The following AK4 variants were observed in gnomAD, a reference collection of about 807,000 sequenced individuals.
AK4 encodes the protein adenylate kinase 4, mitochondrial.
A neutral mutation model predicts 24.6 loss-of-function variants in AK4; 13 were observed. The observed-to-expected ratio is 0.53, with a 90% confidence interval of 0.34 to 0.84. The LOEUF (loss-of-function observed/expected upper bound fraction) is 0.84. AK4 is among the 40% of genes least tolerant of loss of function. AK4 has a pLI of 0.01. For synonymous variants in AK4, 88 were observed against 107.0 expected, an observed-to-expected ratio of 0.82 and a Z score of 1.10; for missense variants, 192 against 288.2, an observed-to-expected ratio of 0.67 and a Z score of 2.42.
intron 1 of AK4, among the ~76,000 whole-genome samples, chr1:65,157,138 G>A (rs1004833893): frequency 6.6e-6 from 1 of 152,126 alleles, no homozygotes; most frequent in African/African-American, 2.4e-5. Context: ...TCTTCATTCA[G>A]TCTTTGGTGC....
chr1:65,205,796 T>G (rs1651793460), intron 2 of AK4, among the ~76,000 whole-genome samples: 1 of 152,256 alleles, frequency 6.6e-6, no homozygotes, highest in Admixed American at 6.5e-5. Context: ...ATTTTTTGTC[T>G]TTATACTTTA....
intron 1 of AK4, among the ~76,000 whole-genome samples, chr1:65,181,221 G>C (rs1422190046): frequency 6.6e-6 from 1 of 151,310 alleles, no homozygotes; most frequent in East Asian, 1.9e-4. Flanking sequence ...AGTGTTATCA[G>C]TACCCCATAG....
At chr1:65,186,407 G>A (rs1651102144) in intron 1 of AK4, among the ~76,000 whole-genome samples, 1 of 152,198 alleles carries the variant, frequency 6.6e-6, no homozygotes, top group African/African-American at 2.4e-5. Context: ...GGGATTACAG[G>A]CACGAACCAT....
At chr1:65,164,156 C>T (rs1489314586) in intron 1 of AK4, among the ~76,000 whole-genome samples, 1 of 152,098 alleles carries the variant, frequency 6.6e-6, no homozygotes, top group East Asian at 1.9e-4. Flanking sequence ...AAGAAGGGGT[C>T]TTTTCGGGAA....
intron 1 of AK4, among the ~76,000 whole-genome samples, chr1:65,171,410 C>T (rs1027441118): frequency 2.7e-5 from 4 of 146,148 alleles, no homozygotes; most frequent in African/African-American, 7.6e-5. Flanking sequence ...CCTGGTCAAG[C>T]GATTCTCCTG....
intron 1 of AK4, among the ~76,000 whole-genome samples, chr1:65,167,266 C>A (rs551168192): frequency 6.6e-6 from 1 of 152,230 alleles, no homozygotes; most frequent in South Asian, 2.1e-4. Context: ...GATTCAACTT[C>A]TGGTCTGCTT....
At chr1:65,215,833 T>G (rs1652112782) in intron 2 of AK4, among the ~76,000 whole-genome samples, 1 of 152,230 alleles carries the variant, frequency 6.6e-6, no homozygotes, top group Non-Finnish European at 1.5e-5. Context: ...TGAGCTTTTA[T>G]TTGTTGGAGG....
At position 65,198,374 on chromosome 1, in the gene AK4, A is replaced by AT. The variant is rs545799228; in HGVS notation, c.265+7547dup. On this transcript the variant is annotated intron_variant, in intron 2 of 4. Coordinates refer to ENST00000327299, the MANE Select transcript of AK4 (RefSeq NM_013410.4). ...GACATAACCATGATTTGCCCCTCTC[A>AT]TTGTAGCTCTGTTCATTCAGTAAGC... 6.6e-5 allele frequency among the ~76,000 whole-genome samples: 10 copies of AT among 152,290 alleles called. No homozygotes were observed. In the South Asian group the frequency reaches 1.0e-3, roughly 16 times the overall value.
intron 1 of AK4, among the ~76,000 whole-genome samples, chr1:65,155,865 T>G (rs905130118): frequency 2.6e-5 from 4 of 152,202 alleles, no homozygotes; most frequent in Non-Finnish European, 5.9e-5. Context: ...AGAGACGGTT[T>G]CACCGTATTG....
rs544264310 is a variant in AK4, at chr1:65,181,370, C to T, written c.146-9340C>T. ...TGTCTGTGTTAGACTTTTTCATAAA[C>T]CAGCAGGCTCCTAAGCTGTAGAATT... is the stretch of plus-strand genomic sequence containing the variant. On this transcript the variant is annotated intron_variant, in intron 1 of 4. Transcript: ENST00000327299. Among the ~76,000 whole-genome samples the T allele has an allele frequency of 2.3e-4, 35 of 151,642 alleles. 1 individual carries two copies. In the South Asian group the frequency reaches 7.1e-3, roughly 31 times the overall value.
intron 1 of AK4, among the ~76,000 whole-genome samples, chr1:65,187,848 T>C (rs1463337650): frequency 3.3e-5 from 5 of 152,186 alleles, no homozygotes; most frequent in African/African-American, 1.2e-4. Flanking sequence ...CCAATAAATA[T>C]AATACTAGTC....
At chr1:65,177,815 A>G (rs1405274936) in intron 1 of AK4, among the ~76,000 whole-genome samples, 2 of 152,228 alleles carry the variant, frequency 1.3e-5, no homozygotes, top group African/African-American at 4.8e-5. Flanking sequence ...TGTGAGAACC[A>G]AGGGCAACAT....
rs528683935 is a variant in AK4, at chr1:65,200,969, T to C, written c.265+10140T>C. Among the ~76,000 whole-genome samples, 10 of 152,218 alleles carry C rather than the reference T, an allele frequency of 6.6e-5. No individual in the cohort carries two copies. The East Asian group carries it at 1.4e-3, about 21-fold the overall frequency. On this transcript the variant is annotated intron_variant, in intron 2 of 4. Transcript: ENST00000327299. ...CCACCACGCCCAGCTAATTTTTGTA[T>C]GTTTAGTAGAGACGGGGTTTCGCCA... is the stretch of plus-strand genomic sequence containing the variant.
At chr1:65,197,301 TA>T (rs1651502962) in intron 2 of AK4, among the ~76,000 whole-genome samples, 1 of 152,234 alleles carries the variant, frequency 6.6e-6, no homozygotes, top group African/African-American at 2.4e-5. Flanking sequence ...TATCTTTATG[TA>T]CCAAGATGTA....
intron 1 of AK4, among the ~76,000 whole-genome samples, chr1:65,166,310 CTGTGTGTGTGTGTGTG>C (rs34870729): frequency 1.4e-5 from 2 of 143,008 alleles, no homozygotes; most frequent in African/African-American, 2.6e-5. Context: ...GGGATTTAAG[CTGTGTGTGTGTGTGTG>C]TGTGTGTGTG....
intron 2 of AK4, among the ~76,000 whole-genome samples, chr1:65,201,278 C>T (rs1163409936): frequency 6.6e-6 from 1 of 152,174 alleles, no homozygotes; most frequent in Non-Finnish European, 1.5e-5. Context: ...TTCTCTTTCT[C>T]ATTTGTTATA....
chr1:65,183,691 G>GTGTGTGTGTA (rs1553123925), intron 1 of AK4, among the ~76,000 whole-genome samples: 1 of 134,060 alleles, frequency 7.5e-6, no homozygotes, highest in African/African-American at 2.7e-5. Context: ...GTGTGTGTGT[G>GTGTGTGTGTA]TGTATGTATG....
At chr1:65,149,452 C>A (rs926400659) in intron 1 of AK4, among the ~76,000 whole-genome samples, 3 of 152,170 alleles carry the variant, frequency 2.0e-5, no homozygotes, top group African/African-American at 7.2e-5. Context: ...TGTGCTGCTG[C>A]GAGGCTCTTA....
At chr1:65,214,275 T>C (rs182407046) in intron 2 of AK4, among the ~76,000 whole-genome samples, 54 of 152,158 alleles carry the variant, frequency 3.5e-4, no homozygotes, top group African/African-American at 1.2e-3. Flanking sequence ...CATGCCTGGC[T>C]TATTTTTGTA....
Sources: gnomAD v4.1 joint callset for allele counts (sites outside exome capture counted in the v4.1 genomes callset) on GRCh38, gnomAD v4.1.1 for gene constraint, MANE v1.5 for transcripts, NCBI Gene and HGNC (gene_info 2026-07-23, HGNC 2026-07-21) for gene names.